The following KDM4C variants were observed in gnomAD, a reference collection of about 807,000 sequenced individuals.
KDM4C encodes the protein lysine demethylase 4C.
Under a neutral mutation model 129.3 loss-of-function variants are expected in KDM4C, and 81 were observed. The ratio of observed to expected loss-of-function variants is 0.63; its 90% CI spans 0.52 to 0.75. The LOEUF is 0.75. Among genes scored for constraint, KDM4C ranks in the 30% least tolerant of loss-of-function variants. The pLI is 0.00. For missense variants in KDM4C, 1,457 were observed against 1,304.0 expected (o/e 1.12, Z -1.81); for synonymous variants, 573 against 456.1 (o/e 1.26, Z -3.26).
chr9:6,981,222 A>G, intron 9 of KDM4C, 104 bp downstream of exon 9: 2 of 814,808 alleles, frequency 2.5e-6, no homozygotes, highest in Non-Finnish European at 3.8e-6. Context: ...TTTATTCATC[A>G]TAACTTAATA....
chr9:7,165,853 T>C (rs1215995089), intron 20 of KDM4C, among the ~76,000 whole-genome samples: 1 of 152,206 alleles, frequency 6.6e-6, no homozygotes, highest in Non-Finnish European at 1.5e-5. Context: ...ATGGTTATCA[T>C]CCACCCAAGC....
chr9:7,006,989 T>C (rs969989171), intron 12 of KDM4C, among the ~76,000 whole-genome samples: 2 of 152,252 alleles, frequency 1.3e-5, no homozygotes, highest in African/African-American at 4.8e-5. Flanking sequence ...TGAAAACAGC[T>C]ATTGAAGGTA....
chr9:7,007,702 C>T (rs1219218255), intron 12 of KDM4C, among the ~76,000 whole-genome samples: 2 of 152,116 alleles, frequency 1.3e-5, no homozygotes, highest in East Asian at 3.8e-4. Context: ...GTTCTTATCT[C>T]TTCTGAGGAC....
At chr9:6,740,361 A>G (rs1367695470) in intron 1 of KDM4C, among the ~76,000 whole-genome samples, 4 of 151,424 alleles carry the variant, frequency 2.6e-5, no homozygotes, top group Admixed American at 6.6e-5. Context: ...CCGTCACCCC[A>G]CCTGGCTAAT....
intron 20 of KDM4C, among the ~76,000 whole-genome samples, chr9:7,168,931 G>T (rs969378335): frequency 2.0e-5 from 3 of 151,800 alleles, no homozygotes; most frequent in Non-Finnish European, 4.4e-5. Context: ...TATGGTTCCA[G>T]CTTCTCAGGA....
chr9:6,825,482 A>C (rs558432257), intron 4 of KDM4C, among the ~76,000 whole-genome samples: 145 of 152,312 alleles, frequency 9.5e-4, no homozygotes, highest in Middle Eastern at 3.4e-3. Context: ...ATTGGCCTTC[A>C]GGTAACTGCA....
intron 8 of KDM4C, among the ~76,000 whole-genome samples, chr9:6,963,323 A>T (rs565384691): frequency 1.3e-3 from 205 of 152,348 alleles, no homozygotes; most frequent in African/African-American, 4.7e-3. Context: ...TTCAGTTATT[A>T]ATTCATGCAG....
intron 19 of KDM4C, among the ~76,000 whole-genome samples, chr9:7,147,260 T>C (rs1437586311): frequency 2.0e-5 from 3 of 152,194 alleles, no homozygotes; most frequent in Non-Finnish European, 4.4e-5. Context: ...CACTTCAGTG[T>C]GAAGCGTCCT....
intron 1 of KDM4C, among the ~76,000 whole-genome samples, chr9:6,738,886 C>G (rs1242320239): frequency 1.3e-5 from 2 of 151,160 alleles, no homozygotes; most frequent in Non-Finnish European, 3.0e-5. Flanking sequence ...CGCCTGGCCG[C>G]CCAGCTAATT....
intron 1 of KDM4C, among the ~76,000 whole-genome samples, chr9:6,745,345 T>A (rs957883553): frequency 1.3e-5 from 2 of 152,078 alleles, no homozygotes; most frequent in African/African-American, 4.8e-5. Context: ...GCACCTATAA[T>A]CCCAGCACTT....
chr9:6,912,712 G>C (rs1819554989), intron 8 of KDM4C, among the ~76,000 whole-genome samples: 1 of 152,270 alleles, frequency 6.6e-6, no homozygotes, highest in South Asian at 2.1e-4. Flanking sequence ...TGTTTGTAAG[G>C]TTGTTTCTTT....
intron 3 of KDM4C, among the ~76,000 whole-genome samples, chr9:6,809,497 A>G (rs142328779): frequency 2.3e-3 from 346 of 152,318 alleles, no homozygotes; most frequent in Middle Eastern, 0.01. Context: ...AGGGATACTT[A>G]CTAAAAACTA....
intron 17 of KDM4C, chr9:7,077,300 A>C (rs900297767): frequency 1.1e-6 from 1 of 895,354 alleles, no homozygotes; most frequent in African/African-American, 1.8e-5. Context: ...TTGCGTATTT[A>C]CATTGCTTTG....
chr9:6,753,296 T>G (rs1818135035), upstream of KDM4C, among the ~76,000 whole-genome samples: 1 of 152,172 alleles, frequency 6.6e-6, no homozygotes, highest in African/African-American at 2.4e-5. Context: ...GGCCTAAGAG[T>G]AAGCACACCA....
At chr9:6,735,850 A>G (rs1298318027) in intron 1 of KDM4C, among the ~76,000 whole-genome samples, 1 of 152,194 alleles carries the variant, frequency 6.6e-6, no homozygotes, top group Non-Finnish European at 1.5e-5. Flanking sequence ...AGATTGGAAC[A>G]GTTTGGAGGG....
intron 15 of KDM4C, among the ~76,000 whole-genome samples, chr9:7,027,897 G>C (rs944170246): frequency 6.6e-6 from 1 of 152,182 alleles, no homozygotes; most frequent in Non-Finnish European, 1.5e-5. Flanking sequence ...GGAGAATACT[G>C]CTGGGCTACC....
chr9:6,812,450 A>G (rs112955264), intron 3 of KDM4C, among the ~76,000 whole-genome samples: 2 of 152,280 alleles, frequency 1.3e-5, no homozygotes, highest in African/African-American at 2.4e-5. Flanking sequence ...TTTGTGGAAG[A>G]TAATTTTTCT....
chr9:6,836,069 A>G (rs1835817448), intron 4 of KDM4C, among the ~76,000 whole-genome samples: 1 of 152,022 alleles, frequency 6.6e-6, no homozygotes, highest in Admixed American at 6.6e-5. Context: ...CTTGAGATGT[A>G]TGAAGGCTTT....
Position 7,094,627 on chromosome 9 carries a change from A to T in KDM4C, c.2425-9058A>T, listed in dbSNP as rs146674291. Among the ~76,000 whole-genome samples the T allele has an allele frequency of 4.4e-3, 663 of 152,296 alleles. 7 individuals carry two copies. The highest frequency in any genetic ancestry group is 0.015 in the African/African-American group (632 of 41,564). ...GACTGGACAGCCAGTGTCCATGCGG[A>T]GGAACCCTATACTGAGTTAACTCTT... On this transcript the variant is annotated intron_variant, in intron 17 of 21. Coordinates refer to ENST00000381309, the MANE Select transcript of KDM4C (RefSeq NM_015061.6).
Sources: gnomAD v4.1 joint callset for allele counts (sites outside exome capture counted in the v4.1 genomes callset) on GRCh38, gnomAD v4.1.1 for gene constraint, MANE v1.5 for transcripts, NCBI Gene and HGNC (gene_info 2026-07-23, HGNC 2026-07-21) for gene names.